IL4I1: variants seen among roughly 807,000 people sequenced by gnomAD.
IL4I1 encodes interleukin 4 induced 1.
IL4I1 carries 24 observed loss-of-function variants against 29.7 expected under a neutral mutation model. That is an observed-to-expected ratio of 0.81 (90% CI 0.59 to 1.14). The LOEUF (loss-of-function observed/expected upper bound fraction) is 1.14. IL4I1 is among the 50% of genes most tolerant of loss of function. The pLI is 0.00. For synonymous variants in IL4I1, 371 were observed against 352.5 expected, an observed-to-expected ratio of 1.05 and a Z score of -0.59; for missense variants, 686 against 785.6, an observed-to-expected ratio of 0.87 and a Z score of 1.52.
At chr19:49,914,726 GTTTTTT>G (rs530372497) in intron 2 of IL4I1, among the ~76,000 whole-genome samples, 1,374 of 56,050 alleles carry the variant, frequency 0.025, 3 homozygotes, top group Non-Finnish European at 0.034. Flanking sequence ...CCAAGTCCCA[GTTTTTT>G]TTTTTTTTTT....
intron 7 of IL4I1, 90 bp from the exon 8 acceptor site, chr19:49,890,690 C>G: frequency 1.7e-6 from 2 of 1,212,082 alleles, no homozygotes; most frequent in Non-Finnish European, 2.2e-6. Flanking sequence ...GCAGCTGGCC[C>G]TTATGGGCAC....
At chr19:49,911,663 T>G (rs557360775) in intron 2 of IL4I1, among the ~76,000 whole-genome samples, 4 of 152,316 alleles carry the variant, frequency 2.6e-5, no homozygotes, top group African/African-American at 9.6e-5. Context: ...CAGGGCCAGC[T>G]GCACACGCTC....
At chr19:49,904,800 C>T (rs2075300846) in intron 2 of IL4I1, among the ~76,000 whole-genome samples, 1 of 151,916 alleles carries the variant, frequency 6.6e-6, no homozygotes, top group African/African-American at 2.4e-5. Flanking sequence ...AGCTCCGCCT[C>T]CCGGGTTCAT....
At chr19:49,912,729 G>A (rs896200641) in intron 2 of IL4I1, among the ~76,000 whole-genome samples, 1 of 152,170 alleles carries the variant, frequency 6.6e-6, no homozygotes, top group Non-Finnish European at 1.5e-5. Flanking sequence ...AGTTGGCCGT[G>A]GTGGCAGGCG....
chr19:49,907,987 G>A (rs1031445287), intron 2 of IL4I1: 6 of 701,614 alleles, frequency 8.6e-6, no homozygotes, highest in Non-Finnish European at 1.4e-5. Flanking sequence ...GTCGCAGTAG[G>A]TGAAAAGGGG....
intron 3 of IL4I1, among the ~76,000 whole-genome samples, chr19:49,903,112 GAAA>G (rs1002289994): frequency 2.0e-5 from 3 of 147,254 alleles, no homozygotes; most frequent in Non-Finnish European, 4.5e-5. Flanking sequence ...AGGACTCTCT[GAAA>G]AAAAAAACAA....
chr19:49,895,725 T>G, intron 3 of IL4I1, 90 bp downstream of exon 3: 3 of 511,810 alleles, frequency 5.9e-6, no homozygotes, highest in Non-Finnish European at 7.5e-6. Context: ...CTCCACCCCC[T>G]CAAGGAGGAA....
At chr19:49,897,426 G>T (rs1337113463), upstream of IL4I1, among the ~76,000 whole-genome samples, 2 of 152,116 alleles carry the variant, frequency 1.3e-5, no homozygotes, top group East Asian at 1.9e-4. Context: ...CAGGACGTGG[G>T]CTCTGAGCCC....
intron 3 of IL4I1, 76 bp downstream of exon 3, chr19:49,895,739 G>T: frequency 1.2e-6 from 1 of 861,620 alleles, no homozygotes; most frequent in Non-Finnish European, 1.8e-6. Context: ...GGAGGAACGC[G>T]GCCGTGTCCC....
rs778722296 is a variant in IL4I1 at position 49,894,297 on chromosome 19, C to T, written c.538G>A (p.Glu180Lys). The T allele has an allele frequency of 3.1e-6, 5 of 1,613,996 alleles. No homozygotes were observed. Among genetic ancestry groups the T allele is most frequent in the Admixed American group, 1.7e-5 (1 of 59,998 alleles). The part of the protein sequence containing the change: ...LRPQEKGHSP[E>K]DIYQMALNQA... Reference sequence around the variant, plus strand: ...TTGAGAGCCATCTGGTAGATGTCTTCGGGCGAGTGGCCCTTTTCCTGGGGA... The same window carrying T: ...TTGAGAGCCATCTGGTAGATGTCTTTGGGCGAGTGGCCCTTTTCCTGGGGA... Residue 180 changes from glutamate to lysine, a missense_variant, in exon 5 of 8, where the codon GAA (glutamate) becomes AAA (lysine). Coordinates refer to ENST00000391826, the MANE Select transcript of IL4I1 (RefSeq NM_152899.2).
At chr19:49,891,261 CA>C in intron 6 of IL4I1, 143 bp downstream of exon 6, 1 of 1,416,822 alleles carries the variant, frequency 7.1e-7, no homozygotes, top group Non-Finnish European at 9.8e-7. Flanking sequence ...GAGGTCCAGA[CA>C]GGGGGCGTGT....
chr19:49,899,001 C>A (rs1475118698), upstream of IL4I1, among the ~76,000 whole-genome samples: 2 of 152,222 alleles, frequency 1.3e-5, no homozygotes, highest in Non-Finnish European at 2.9e-5. Context: ...AAAGGCTTGG[C>A]CTAGGTCTCA....
intron 3 of IL4I1, among the ~76,000 whole-genome samples, chr19:49,903,896 G>C (rs1003545076): frequency 7.6e-6 from 1 of 132,102 alleles, no homozygotes; most frequent in African/African-American, 2.9e-5. Flanking sequence ...CTGGAGTGCA[G>C]TGGTACGATC....
chr19:49,908,741 G>A, intron 2 of IL4I1: 1 of 1,613,500 alleles, frequency 6.2e-7, no homozygotes. Context: ...GTTGACCTGG[G>A]TGGCCTGCTG....
chr19:49,925,447 GCCAAAAAAAAAAAAAAATA>G (rs1211308257), intron 2 of IL4I1, among the ~76,000 whole-genome samples: 12 of 77,426 alleles, frequency 1.5e-4, no homozygotes, highest in Non-Finnish European at 2.1e-4. Context: ...ACTAAAAAAA[GCCAAAAAAAAAAAAAAATA>G]GCATCCTACC....
chr19:49,899,152 C>T (rs575972487), upstream of IL4I1, among the ~76,000 whole-genome samples: 30 of 152,368 alleles, frequency 2.0e-4, no homozygotes, highest in African/African-American at 7.2e-4. Context: ...AGGTCCCCGG[C>T]CCCTGCCCAA....
rs2075156076 is a variant in IL4I1, at chr19:49,892,774, CCAGT to C, written c.568-1305_568-1302del. On this transcript the variant is annotated intron_variant, in intron 5 of 7. Coordinates refer to ENST00000391826, the MANE Select transcript of IL4I1 (RefSeq NM_152899.2). ...ATCTCGCATCTCTCAGACTCCCAAACCAGTCAGTGTCAAGGCATAGAAATGACCT... is the reference window on the plus strand; with the variant it reads ...ATCTCGCATCTCTCAGACTCCCAAACCAGTGTCAAGGCATAGAAATGACCT... Among the ~76,000 whole-genome samples the C allele has an allele frequency of 2.0e-5, 3 of 152,182 alleles. 1 individual carries two copies. The highest frequency in any genetic ancestry group is 2.0e-4 in the Admixed American group (3 of 15,266).
Position 49,890,129 on chromosome 19 carries a change from C to A in IL4I1, c.1245G>T (p.Ala415=), listed in dbSNP as rs752017974. ...AAFAGLSREE[A]LRLALDDVAA... is the part of the protein sequence containing the mutation. The stretch of plus-strand genomic sequence containing the variant: ...CCACGTCGTCGAGCGCCAAGCGCAA[C>A]GCCTCTTCCCGGCTCAAGCCGGCGA... Residue 415 remains alanine, a synonymous_variant, in exon 8 of 8, where the codon GCG becomes GCT. Transcript: ENST00000391826. 6.5e-7 allele frequency: 1 copy of A among 1,542,582 alleles called. No homozygotes were observed. The highest frequency in any genetic ancestry group is 1.4e-5 in the African/African-American group (1 of 73,078).
At chr19:49,909,281 G>A (rs1268846683) in intron 2 of IL4I1, 6 of 1,614,174 alleles carry the variant, frequency 3.7e-6, no homozygotes, top group Non-Finnish European at 5.1e-6. Flanking sequence ...TGAATTCCCT[G>A]CTGAGCCAAT....
Sources: gnomAD v4.1 joint callset for allele counts (sites outside exome capture counted in the v4.1 genomes callset) on GRCh38, gnomAD v4.1.1 for gene constraint, MANE v1.5 for transcripts, NCBI Gene and HGNC (gene_info 2026-07-23, HGNC 2026-07-21) for gene names.